Variants in MAP4 observed in about 807,000 individuals in gnomAD.
MAP4 encodes microtubule-associated protein 4.
A neutral mutation model predicts 170.2 loss-of-function variants in MAP4; 76 were observed. The ratio of observed to expected loss-of-function variants is 0.45; its 90% confidence interval spans 0.37 to 0.54. The LOEUF (loss-of-function observed/expected upper bound fraction) is 0.54. Among genes scored for constraint, MAP4 ranks in the 20% least tolerant of loss-of-function variants. The pLI is 0.00. For missense variants in MAP4, 2,506 were observed against 2,748.0 expected, an observed-to-expected ratio of 0.91 and a Z score of 1.97; for synonymous variants, 909 against 994.5, an observed-to-expected ratio of 0.91 and a Z score of 1.62.
chr3:48,020,580 C>CA (rs1272657669), upstream of MAP4, among the ~76,000 whole-genome samples: 1 of 151,514 alleles, frequency 6.6e-6, no homozygotes, highest in Admixed American at 6.6e-5. Flanking sequence ...CAGATGCTTT[C>CA]AAAAAGGAGG....
intron 8 of MAP4, among the ~76,000 whole-genome samples, chr3:47,912,659 C>T (rs571121936): frequency 6.6e-6 from 1 of 152,232 alleles, no homozygotes; most frequent in South Asian, 2.1e-4. Flanking sequence ...AGATTGTTTT[C>T]AAACATTTAT....
intron 2 of MAP4, among the ~76,000 whole-genome samples, chr3:47,986,784 AT>A (rs2100088990): frequency 6.6e-6 from 1 of 152,200 alleles, no homozygotes; most frequent in African/African-American, 2.4e-5. Context: ...TTTTGCAAAA[AT>A]GTCACACTAA....
intron 1 of MAP4, among the ~76,000 whole-genome samples, chr3:48,068,237 C>A (rs1214418084): frequency 5.5e-5 from 8 of 144,202 alleles, no homozygotes; most frequent in African/African-American, 2.1e-4. Context: ...TGCACTCCAA[C>A]CTGGGTAACA....
intron 10 of MAP4, chr3:47,890,882 A>G: frequency 1.5e-6 from 1 of 663,972 alleles, no homozygotes; most frequent in Non-Finnish European, 2.5e-6. Context: ...GCAAGCTTCC[A>G]ACACAAGGGA....
At chr3:47,865,099 T>C (rs974871267) in intron 17 of MAP4, among the ~76,000 whole-genome samples, 2 of 152,104 alleles carry the variant, frequency 1.3e-5, no homozygotes, top group Non-Finnish European at 2.9e-5. Context: ...GAAAAGGCTT[T>C]AAAAATACAT....
chr3:48,004,099 T>C (rs2100100875), intron 1 of MAP4, among the ~76,000 whole-genome samples: 1 of 152,178 alleles, frequency 6.6e-6, no homozygotes, highest in Non-Finnish European at 1.5e-5. Flanking sequence ...ATCCTATTAG[T>C]TCTGTTCCTC....
chr3:48,023,369 A>G (rs1240593654), intron 1 of MAP4, among the ~76,000 whole-genome samples: 1 of 152,250 alleles, frequency 6.6e-6, no homozygotes, highest in African/African-American at 2.4e-5. Flanking sequence ...TTGTATTTAC[A>G]TACAAATGAA....
intron 1 of MAP4, among the ~76,000 whole-genome samples, chr3:48,064,851 A>T (rs555406534): frequency 6.6e-6 from 1 of 152,296 alleles, no homozygotes; most frequent in East Asian, 1.9e-4. Context: ...AATGGTAAGC[A>T]TCTGTGTATC....
chr3:48,038,019 T>C (rs2100119629), intron 1 of MAP4, among the ~76,000 whole-genome samples: 1 of 88,684 alleles, frequency 1.1e-5, no homozygotes, highest in Admixed American at 1.1e-4. Context: ...ATACAAAAAT[T>C]AGCCAAGCAT....
chr3:48,010,495 T>A (rs9818962), intron 1 of MAP4, among the ~76,000 whole-genome samples: 13,012 of 152,240 alleles, frequency 0.085, 1,845 homozygotes, highest in African/African-American at 0.29. Context: ...GATTGGTGTG[T>A]TTCTGGTTGT....
intron 1 of MAP4, among the ~76,000 whole-genome samples, chr3:48,051,979 A>G (rs2100128146): frequency 6.6e-6 from 1 of 152,238 alleles, no homozygotes; most frequent in Admixed American, 6.5e-5. Flanking sequence ...AATTTTGGAC[A>G]AGAAAATTGT....
At chr3:47,922,559 C>T (rs1406165870) in intron 4 of MAP4, among the ~76,000 whole-genome samples, 4 of 128,760 alleles carry the variant, frequency 3.1e-5, no homozygotes, top group Admixed American at 7.6e-5. Flanking sequence ...GAGCCATTAA[C>T]AAGCTTAAAA....
chr3:47,978,018 T>C (rs1051086830), intron 2 of MAP4, 85 bp from the exon 3 acceptor site: 3 of 882,126 alleles, frequency 3.4e-6, no homozygotes, highest in East Asian at 2.4e-5. Context: ...ATGGAGTTTT[T>C]CTCACTCTTT....
chr3:47,910,443 G>A lies in MAP4; in HGVS notation c.3978C>T (p.Cys1326=). The part of the protein sequence containing the change: ...EPPAKVTDVS[C]QEQIQGAGFV... Reference sequence around the variant, plus strand: ...ATCCTGCCCCCTGGATTTGCTCTTGGCAGCTCACATCTGTCACCTTGGCAG... The same window carrying A: ...ATCCTGCCCCCTGGATTTGCTCTTGACAGCTCACATCTGTCACCTTGGCAG... Residue 1326 remains cysteine (C), a synonymous_variant, in exon 9 of 21, where the codon TGC becomes TGT. Coordinates refer to ENST00000683076, the MANE Select transcript of MAP4 (RefSeq NM_001385682.1). 2.6e-6 allele frequency: 4 copies of A among 1,536,036 alleles called. No homozygotes were observed. The highest frequency in any genetic ancestry group is 3.5e-6 in the Non-Finnish European group (4 of 1,146,858).
chr3:48,027,129 TTAAGACTAG>T (rs2100113528), intron 1 of MAP4, among the ~76,000 whole-genome samples: 1 of 152,230 alleles, frequency 6.6e-6, no homozygotes, highest in Admixed American at 6.5e-5. Context: ...CCCAAAGCAC[TTAAGACTAG>T]TAAGACTTCC....
In MAP4 at chr3:47,860,995, G is replaced by A. The variant is rs563087630; in HGVS notation, c.6502-3483C>T. On this transcript the variant is annotated intron_variant, in intron 17 of 20. Coordinates refer to ENST00000683076, the MANE Select transcript of MAP4 (RefSeq NM_001385682.1). Reference sequence around the variant, plus strand: ...CCCAGCACTTTGGGAGGGCTGACGCGGGTGGATCATTTGAGGTCAGGAGTT... The same window carrying A: ...CCCAGCACTTTGGGAGGGCTGACGCAGGTGGATCATTTGAGGTCAGGAGTT... Among the ~76,000 whole-genome samples the A allele has an allele frequency of 1.2e-4, 18 of 152,232 alleles. 1 individual carries two copies. In the South Asian group the frequency reaches 2.7e-3, roughly 23 times the overall value.
At chr3:47,881,798 G>C (rs2096810168) in intron 10 of MAP4, among the ~76,000 whole-genome samples, 1 of 151,758 alleles carries the variant, frequency 6.6e-6, no homozygotes, top group Non-Finnish European at 1.5e-5. Flanking sequence ...TAGAGATGGG[G>C]TCTCCCTGGG....
chr3:47,943,188 C>T (rs2100057599), intron 3 of MAP4, among the ~76,000 whole-genome samples: 1 of 152,166 alleles, frequency 6.6e-6, no homozygotes, highest in South Asian at 2.1e-4. Context: ...AAAGCCTACT[C>T]CTTTCTCAGA....
intron 17 of MAP4, 45 bp downstream of exon 17, chr3:47,867,201 A>G: frequency 7.5e-7 from 1 of 1,327,118 alleles, no homozygotes; most frequent in Non-Finnish European, 1.1e-6. Context: ...TATACCCCAC[A>G]GTGGGCTATA....
Sources: gnomAD v4.1 joint callset for allele counts (sites outside exome capture counted in the v4.1 genomes callset) on GRCh38, gnomAD v4.1.1 for gene constraint, MANE v1.5 for transcripts, NCBI Gene and HGNC (gene_info 2026-07-23, HGNC 2026-07-21) for gene names.